Variants in MAP3K12 observed in about 807,000 individuals in gnomAD.
MAP3K12 encodes MAPK-upstream kinase.
Under a neutral mutation model 87.5 loss-of-function variants are expected in MAP3K12, and 14 were observed. The ratio of observed to expected loss-of-function variants is 0.16; its 90% CI spans 0.11 to 0.25. MAP3K12 has a LOEUF of 0.25. Ranked by LOEUF, MAP3K12 falls within the 10% of genes least tolerant of loss-of-function variation. The pLI is 1.00. For missense variants in MAP3K12, 802 were observed against 1,140.4 expected (o/e 0.70, Z 4.27); for synonymous variants, 469 against 452.5 (o/e 1.04, Z -0.46).
At chr12:53,484,927 G>C (rs912474827) in intron 6 of MAP3K12, 129 bp downstream of exon 6, 4 of 1,228,730 alleles carry the variant, frequency 3.3e-6, no homozygotes, top group Non-Finnish European at 4.6e-6. Context: ...GGTAGCATGA[G>C]CCTGATTCAG....
intron 1 of MAP3K12, among the ~76,000 whole-genome samples, chr12:53,498,858 C>T (rs568101663): frequency 6.6e-6 from 1 of 151,158 alleles, no homozygotes; most frequent in East Asian, 1.9e-4. Flanking sequence ...GGACCAACGC[C>T]TGGGCATGCA....
chr12:53,499,806 C>A (rs181650335), upstream of MAP3K12, among the ~76,000 whole-genome samples: 38 of 152,354 alleles, frequency 2.5e-4, no homozygotes, highest in African/African-American at 9.1e-4. Context: ...CCCGCCTGGG[C>A]CCCGCGCCTC....
At chr12:53,483,839 G>T in intron 8 of MAP3K12, 72 bp downstream of exon 8, 2 of 1,610,284 alleles carry the variant, frequency 1.2e-6, no homozygotes, top group Non-Finnish European at 1.7e-6. Flanking sequence ...CCGCCCTGGG[G>T]CTGGGTAGGA....
chr12:53,499,404 C>G (rs942729001), intron 1 of MAP3K12, 23 bp downstream of exon 1: 1 of 151,560 alleles, frequency 6.6e-6, no homozygotes, highest in East Asian at 2.0e-4. Flanking sequence ...CCCCACCCCC[C>G]CACAACTCGG....
chr12:53,493,678 A>G (rs978034988), intron 1 of MAP3K12: 2 of 152,088 alleles, frequency 1.3e-5, no homozygotes, highest in Non-Finnish European at 2.9e-5. Context: ...CTAGAAGCCG[A>G]GCTTTGAGTA....
chr12:53,496,653 G>C (rs1244549651), intron 1 of MAP3K12, among the ~76,000 whole-genome samples: 1 of 152,210 alleles, frequency 6.6e-6, no homozygotes, highest in Non-Finnish European at 1.5e-5. Context: ...ACAGTTTCTA[G>C]GTAGGTGGAA....
chr12:53,499,878 C>G (rs1440853669), upstream of MAP3K12: 1 of 152,350 alleles, frequency 6.6e-6, no homozygotes, highest in East Asian at 1.9e-4. Flanking sequence ...ACAGGAACCC[C>G]CTATGACCCG....
chr12:53,487,702 C>G (rs1029014741), intron 1 of MAP3K12: 1 of 340,690 alleles, frequency 2.9e-6, no homozygotes, highest in Admixed American at 4.4e-5. Flanking sequence ...AACAGCCCCA[C>G]GTGGGTACAC....
At chr12:53,490,252 C>T (rs183282526) in intron 1 of MAP3K12, among the ~76,000 whole-genome samples, 22 of 151,744 alleles carry the variant, frequency 1.4e-4, no homozygotes, top group African/African-American at 2.7e-4. Flanking sequence ...TGCAGTGAGC[C>T]GAGATCACGC....
Position 53,483,727 on chromosome 12 carries a change from CAA to C in MAP3K12, c.1359-6_1359-5del. ...CTCCCTGATGTCCAGGGCGTGTCTG[CAA>C]CGGGCAGAAAGGTTCCCCAAGGTGA... On this transcript the variant is annotated splice_region_variant and splice_polypyrimidine_tract_variant and intron_variant, in intron 8 of 13. Coordinates refer to ENST00000547488, the MANE Select transcript of MAP3K12 (RefSeq NM_001193511.2). 6.2e-7 allele frequency: 1 copy of C among 1,613,788 alleles called. No individual in the cohort carries two copies. The highest frequency in any genetic ancestry group is 8.5e-7 in the Non-Finnish European group (1 of 1,180,010).
rs763837635 is a variant in MAP3K12, at chr12:53,484,404, G to A, written c.1140-39C>T. ...AGTTAGGAAGGAGAGGGGAGAATTT[G>A]AGGGAGGATCAGATAGGAACTGGAG... On this transcript the variant is annotated intron_variant, in intron 6 of 13. Transcript: ENST00000547488. 30 of 1,502,430 alleles carry A rather than the reference G, an allele frequency of 2.0e-5. No individual in the cohort carries two copies. The South Asian group carries it at 3.1e-4, about 15-fold the overall frequency. The allele number at this position is 1,502,430 out of a possible 1,614,324, so 93.1% of individuals were successfully genotyped here. A position where few individuals can be genotyped will look rare whatever the true frequency, so the allele number is the denominator to read the frequency against.
upstream of MAP3K12, chr12:53,500,137 T>C (rs1394166428): frequency 1.3e-5 from 2 of 152,028 alleles, no homozygotes; most frequent in Non-Finnish European, 2.9e-5. Flanking sequence ...GAGTAAGACA[T>C]CTTTCTTGAC....
intron 12 of MAP3K12, 42 bp from the exon 13 acceptor site, chr12:53,482,253 A>G: frequency 6.2e-7 from 1 of 1,614,104 alleles, no homozygotes; most frequent in Non-Finnish European, 8.5e-7. Context: ...TTCTGCCCCT[A>G]GCAGAAAACA....
intron 1 of MAP3K12, among the ~76,000 whole-genome samples, chr12:53,490,230 G>C (rs1943362262): frequency 6.6e-6 from 1 of 151,992 alleles, no homozygotes. Flanking sequence ...CTTGAATCTG[G>C]GAGGAGGAGG....
chr12:53,488,487 C>T (rs1163345278), intron 1 of MAP3K12, among the ~76,000 whole-genome samples: 2 of 152,156 alleles, frequency 1.3e-5, no homozygotes, highest in Non-Finnish European at 2.9e-5. Flanking sequence ...CATGGAGAAA[C>T]CCCGTCTCTA....
In MAP3K12 at chr12:53,480,678, A is replaced by G. The variant is rs1942990847; in HGVS notation, c.*504T>C. The G allele has an allele frequency of 6.6e-6, 1 of 152,472 alleles. No individual in the cohort carries two copies. Among genetic ancestry groups the G allele is most frequent in the Non-Finnish European group, 1.5e-5 (1 of 68,018 alleles). 9.4% of individuals were successfully genotyped at this position (152,472 alleles called of 1,614,324 possible). ...GCCTTAAGACAGGGCTTGGGCAGAGAAGATAAATGGTGGGACAAAAAAATG... is the reference window on the plus strand; with the variant it reads ...GCCTTAAGACAGGGCTTGGGCAGAGGAGATAAATGGTGGGACAAAAAAATG... On this transcript the variant is annotated 3_prime_UTR_variant, in exon 14 of 14. Transcript: ENST00000547488.
Position 53,482,005 on chromosome 12 carries a change from T to G in MAP3K12, c.2516A>C (p.Glu839Ala). The G allele has an allele frequency of 6.2e-7, 1 of 1,614,186 alleles. No individual in the cohort carries two copies. Among genetic ancestry groups the G allele is most frequent in the Non-Finnish European group, 8.5e-7 (1 of 1,180,034 alleles). ...GCTGGGTTCAGGGCCAGGGATGACC[T>G]CTGAAGGAGGTGGGTCCAGTGGGAT... ...SEIPLDPPPS[E>A]VIPGPEPSSL... The change falls in exon 13 of 14, where the codon GAG (glutamate) becomes GCG (alanine). Residue 839 changes from glutamate (E) to alanine (A), a missense_variant. Physicochemically the swap from Glu to Ala is moderately radical, Grantham distance 107 (BLOSUM62 -1). This residue lies in a region of MAP3K12 where 490 missense variants were observed against 496.6 expected (regional missense o/e 0.99). Coordinates refer to ENST00000547488, the MANE Select transcript of MAP3K12 (RefSeq NM_001193511.2).
At chr12:53,487,745 T>C (rs568292204) in intron 1 of MAP3K12, 28 of 221,156 alleles carry the variant, frequency 1.3e-4, no homozygotes, top group Non-Finnish European at 2.2e-4. Context: ...TCAAGAGTAA[T>C]GGTAACAGAT....
At position 53,486,662 on chromosome 12, in the gene MAP3K12, G is replaced by A; in HGVS notation, c.446-40C>T. The A allele has an allele frequency of 6.5e-7, 1 of 1,530,638 alleles. No homozygotes were observed. 94.8% of individuals were successfully genotyped at this position (1,530,638 alleles called of 1,614,324 possible). A position where few individuals can be genotyped will look rare whatever the true frequency, so the allele number is the denominator to read the frequency against. ...CACAGTGCCACAAGCCTCAGAAAGA[G>A]CCACACTCAAGGCCAGGGACAGGAT... is the stretch of plus-strand genomic sequence containing the variant. On this transcript the variant is annotated intron_variant, in intron 2 of 13. Transcript: ENST00000547488. This position sits in a 1 kb window ranked among gnomAD's most constrained non-coding sequence, Gnocchi z 4.9.
Sources: allele counts gnomAD v4.1 joint callset (sites outside exome capture counted in the v4.1 genomes callset), GRCh38; gene constraint gnomAD v4.1.1; regional missense constraint gnomAD v4.1.1; non-coding constraint Gnocchi (gnomAD v3.1); transcripts MANE v1.5; gene names NCBI Gene and HGNC (gene_info 2026-07-23, HGNC 2026-07-21).